Variants in DPP10 observed in about 807,000 individuals in gnomAD.
The protein encoded by DPP10 is inactive dipeptidyl peptidase 10.
DPP10 carries 33 observed loss-of-function variants against 120.9 expected under a neutral mutation model. The ratio of observed to expected loss-of-function variants is 0.27; its 90% CI spans 0.21 to 0.37. The LOEUF (loss-of-function observed/expected upper bound fraction) is 0.37. Ranked by LOEUF, DPP10 falls within the 10% of genes least tolerant of loss-of-function variation. DPP10 has a pLI of 1.00. For synonymous variants in DPP10, 337 were observed against 326.1 expected, an observed-to-expected ratio of 1.03 and a Z score of -0.36; for missense variants, 816 against 942.8, an observed-to-expected ratio of 0.87 and a Z score of 1.76.
intron 5 of DPP10, among the ~76,000 whole-genome samples, chr2:115,672,621 C>CTTCT (rs10648127): frequency 0.46 from 66,665 of 145,454 alleles, 15,912 homozygotes; most frequent in East Asian, 0.61. Context: ...CATGGCGCCC[C>CTTCT]TTCTTTCTTT....
chr2:114,736,459 T>G (rs933042136), intron 1 of DPP10, among the ~76,000 whole-genome samples: 1 of 152,140 alleles, frequency 6.6e-6, no homozygotes, highest in African/African-American at 2.4e-5. Context: ...ACAACAGAAG[T>G]TGATTAGTCA....
At chr2:115,079,428 A>AGGAT (rs1181011507) in intron 1 of DPP10, among the ~76,000 whole-genome samples, 3 of 152,150 alleles carry the variant, frequency 2.0e-5, no homozygotes, top group Admixed American at 2.0e-4. Context: ...CGGGGATGAC[A>AGGAT]GACAAACTAG....
intron 5 of DPP10, among the ~76,000 whole-genome samples, chr2:115,688,583 C>T (rs1297430386): frequency 6.6e-6 from 1 of 152,106 alleles, no homozygotes; most frequent in Non-Finnish European, 1.5e-5. Flanking sequence ...CAATTTTCTT[C>T]ACTAGATTCA....
Position 115,219,971 on chromosome 2 carries a change from T to A in DPP10, c.61-89268T>A, listed in dbSNP as rs113962073. 4.4e-3 allele frequency among the ~76,000 whole-genome samples: 666 copies of A among 152,332 alleles called. 4 individuals carry two copies. The highest frequency in any genetic ancestry group is 0.015 in the African/African-American group (632 of 41,584). ...GCCAGTTATTCACCCAACTACATGC[T>A]GTGGTAGGATGATGGCAGTGATTAT... On this transcript the variant is annotated intron_variant, in intron 1 of 25. Coordinates refer to ENST00000410059, the MANE Select transcript of DPP10 (RefSeq NM_020868.6).
At chr2:115,126,288 G>A (rs924357836) in intron 1 of DPP10, among the ~76,000 whole-genome samples, 1 of 151,850 alleles carries the variant, frequency 6.6e-6, no homozygotes, top group African/African-American at 2.4e-5. Flanking sequence ...TTTTTGTATA[G>A]ACAGGATTTC....
At chr2:114,494,231 T>A (rs1405193105) in intron 1 of DPP10, among the ~76,000 whole-genome samples, 2 of 151,976 alleles carry the variant, frequency 1.3e-5, no homozygotes, top group African/African-American at 4.8e-5. Context: ...GTTACTCAAC[T>A]TCTTCTGCCT....
chr2:115,205,511 G>A (rs905206473), intron 1 of DPP10, among the ~76,000 whole-genome samples: 10 of 152,096 alleles, frequency 6.6e-5, no homozygotes, highest in African/African-American at 1.9e-4. Flanking sequence ...ATTTGACCCA[G>A]CAATGCCATT....
At chr2:115,535,644 G>A (rs1288229471) in intron 5 of DPP10, among the ~76,000 whole-genome samples, 5 of 150,014 alleles carry the variant, frequency 3.3e-5, no homozygotes, top group Non-Finnish European at 5.9e-5. Flanking sequence ...TTCCAATTCT[G>A]TGAAGAAAGG....
intron 1 of DPP10, among the ~76,000 whole-genome samples, chr2:114,815,090 GC>G (rs764720171): frequency 9.9e-5 from 15 of 152,232 alleles, no homozygotes; most frequent in Non-Finnish European, 1.8e-4. Flanking sequence ...AATAGGATCT[GC>G]CAAATCTCAC....
chr2:115,750,427 G>A (rs962674964), intron 10 of DPP10, among the ~76,000 whole-genome samples: 15 of 152,158 alleles, frequency 9.9e-5, no homozygotes, highest in African/African-American at 3.4e-4. Context: ...AAATTTCAGT[G>A]GTTTGAAATG....
intron 3 of DPP10, among the ~76,000 whole-genome samples, chr2:115,456,782 A>AG (rs1338563097): frequency 1.3e-5 from 2 of 151,956 alleles, no homozygotes; most frequent in Non-Finnish European, 2.9e-5. Flanking sequence ...GTGAACAGTA[A>AG]GGGGAACATC....
intron 1 of DPP10, among the ~76,000 whole-genome samples, chr2:115,160,641 C>T (rs2052238226): frequency 6.6e-6 from 1 of 152,212 alleles, no homozygotes. Flanking sequence ...CAATCTTCCA[C>T]AACCTGTGCC....
intron 12 of DPP10, among the ~76,000 whole-genome samples, chr2:115,765,502 G>A (rs1184703521): frequency 6.6e-6 from 1 of 152,078 alleles, no homozygotes; most frequent in Non-Finnish European, 1.5e-5. Flanking sequence ...CCTAGTGAAG[G>A]AAGCCAACAA....
chr2:115,510,565 T>A (rs959104341), intron 4 of DPP10, among the ~76,000 whole-genome samples: 7 of 152,110 alleles, frequency 4.6e-5, no homozygotes, highest in African/African-American at 1.7e-4. Context: ...TGGTGAGACT[T>A]GTAATCAAGA....
intron 1 of DPP10, among the ~76,000 whole-genome samples, chr2:115,060,999 C>G (rs1396663304): frequency 6.6e-6 from 1 of 152,118 alleles, no homozygotes; most frequent in Non-Finnish European, 1.5e-5. Flanking sequence ...TTTGAAAATC[C>G]TTGTAATGCC....
chr2:114,809,741 C>T (rs1419939044), intron 1 of DPP10, among the ~76,000 whole-genome samples: 5 of 152,242 alleles, frequency 3.3e-5, no homozygotes, highest in East Asian at 3.9e-4. Flanking sequence ...TACCTGCATA[C>T]GGCTTGCGAA....
intron 1 of DPP10, among the ~76,000 whole-genome samples, chr2:114,466,797 A>G (rs137956080): frequency 1.3e-3 from 196 of 152,292 alleles, no homozygotes; most frequent in Middle Eastern, 6.8e-3. Flanking sequence ...TAATCCCAGC[A>G]CTTTGGGAGG....
chr2:115,227,446 A>C (rs1399064454), intron 1 of DPP10, among the ~76,000 whole-genome samples: 1 of 152,048 alleles, frequency 6.6e-6, no homozygotes, highest in Non-Finnish European at 1.5e-5. Flanking sequence ...TTGAAATGTA[A>C]TTTGCATACA....
chr2:115,041,713 C>T (rs929607751), intron 1 of DPP10, among the ~76,000 whole-genome samples: 1 of 152,186 alleles, frequency 6.6e-6, no homozygotes, highest in African/African-American at 2.4e-5. Context: ...CTTGCTGCCT[C>T]AAGAATTTTA....
Sources: gnomAD v4.1 joint callset for allele counts (sites outside exome capture counted in the v4.1 genomes callset) on GRCh38, gnomAD v4.1.1 for gene constraint, MANE v1.5 for transcripts, NCBI Gene and HGNC (gene_info 2026-07-23, HGNC 2026-07-21) for gene names.